Variants in SHANK2 observed in about 807,000 individuals in gnomAD.
SHANK2 encodes the protein SH3 and multiple ankyrin repeat domains 2, also known as SH3 and multiple ankyrin repeat domains protein 2.
In SHANK2, 43 loss-of-function variants were observed where a neutral mutation model predicts 133.7. The observed-to-expected ratio is 0.32, with a 90% CI of 0.25 to 0.41. The LOEUF is 0.41. Ranked by LOEUF, SHANK2 falls within the 10% of genes least tolerant of loss-of-function variation. The pLI is 1.00. For missense variants in SHANK2, 1,994 were observed against 2,235.8 expected, an observed-to-expected ratio of 0.89 and a Z score of 2.18; for synonymous variants, 1,017 against 952.8, an observed-to-expected ratio of 1.07 and a Z score of -1.24.
At chr11:70,922,098 T>C (rs1950359612) in intron 10 of SHANK2, among the ~76,000 whole-genome samples, 1 of 152,152 alleles carries the variant, frequency 6.6e-6, no homozygotes, top group Non-Finnish European at 1.5e-5. Flanking sequence ...CAGAAGGGAA[T>C]CAATCGTAAA....
rs1398149670 is a variant in SHANK2, at chr11:70,729,509, C to T, written c.1778-30746G>A. Reference sequence around the variant, plus strand: ...ACCTGTGAATGTACTCATGCCACTGCACTGTGTACTTTCTTCATTTTTTTT... The same window carrying T: ...ACCTGTGAATGTACTCATGCCACTGTACTGTGTACTTTCTTCATTTTTTTT... On this transcript the variant is annotated intron_variant, in intron 14 of 25. Transcript: ENST00000601538. Among the ~76,000 whole-genome samples the T allele has an allele frequency of 2.0e-5, 3 of 151,478 alleles. No individual in the cohort carries two copies. In the East Asian group the frequency reaches 5.8e-4, roughly 29 times the overall value.
At chr11:71,066,549 C>T (rs1951066315) in intron 9 of SHANK2, among the ~76,000 whole-genome samples, 1 of 152,122 alleles carries the variant, frequency 6.6e-6, no homozygotes, top group Non-Finnish European at 1.5e-5. Context: ...GACAACGTTG[C>T]AACCAGGATG....
At chr11:71,137,998 G>A (rs374600921) in intron 3 of SHANK2, among the ~76,000 whole-genome samples, 4 of 150,660 alleles carry the variant, frequency 2.7e-5, no homozygotes, top group East Asian at 1.9e-4. Flanking sequence ...CAAAGCACCC[G>A]AATGCAGCTT....
At chr11:71,244,715 G>C (rs1486158253) in intron 1 of SHANK2, among the ~76,000 whole-genome samples, 1 of 151,756 alleles carries the variant, frequency 6.6e-6, no homozygotes. Flanking sequence ...TTTTTTTGTT[G>C]TTGTTGAGAT....
chr11:70,502,557 G>A (rs1337740279), intron 18 of SHANK2, among the ~76,000 whole-genome samples: 4 of 152,148 alleles, frequency 2.6e-5, no homozygotes, highest in African/African-American at 7.2e-5. Flanking sequence ...CGGAAGGGAC[G>A]CCTGCTAGTG....
intron 17 of SHANK2, among the ~76,000 whole-genome samples, chr11:70,642,990 G>A (rs185652688): frequency 4.2e-4 from 64 of 152,314 alleles, no homozygotes; most frequent in African/African-American, 1.3e-3. Context: ...TGACGACATC[G>A]CAGTTATCCT....
At chr11:71,139,255 G>A (rs1952506132) in intron 3 of SHANK2, among the ~76,000 whole-genome samples, 1 of 151,132 alleles carries the variant, frequency 6.6e-6, no homozygotes, top group African/African-American at 2.4e-5. Flanking sequence ...ATGCGGGGCC[G>A]ACGTAGACAC....
chr11:71,205,522 C>T (rs2135657982), intron 2 of SHANK2, among the ~76,000 whole-genome samples: 1 of 152,318 alleles, frequency 6.6e-6, no homozygotes, highest in Middle Eastern at 3.4e-3. Flanking sequence ...GACCCACGTG[C>T]CAGGACGGAG....
At chr11:70,518,130 T>C (rs10736803) in intron 17 of SHANK2, among the ~76,000 whole-genome samples, 147,172 of 152,254 alleles carry the variant, frequency 0.97, 71,342 homozygotes, top group East Asian at 1. Flanking sequence ...GCTGTCCCTT[T>C]AGCCAGCGTC....
intron 8 of SHANK2, among the ~76,000 whole-genome samples, chr11:71,080,547 C>T (rs1356966643): frequency 2.0e-5 from 3 of 152,166 alleles, no homozygotes; most frequent in East Asian, 1.9e-4. Flanking sequence ...CAGCACAGGT[C>T]GGCTGAGACG....
chr11:70,677,557 G>T (rs1009117397), intron 15 of SHANK2, among the ~76,000 whole-genome samples: 5 of 152,188 alleles, frequency 3.3e-5, no homozygotes, highest in Admixed American at 2.6e-4. Flanking sequence ...ATGAGGTAAA[G>T]GTAAGGCTGG....
At chr11:70,924,643 G>A (rs1950401400) in intron 10 of SHANK2, among the ~76,000 whole-genome samples, 1 of 152,002 alleles carries the variant, frequency 6.6e-6, no homozygotes, top group African/African-American at 2.4e-5. Flanking sequence ...TTTTAGTAGA[G>A]ACAGCGTTTC....
rs114100999 is a variant in SHANK2, at chr11:70,598,152, T to C, written c.2061+61676A>G. 6.4e-3 allele frequency among the ~76,000 whole-genome samples: 967 copies of C among 152,090 alleles called. 10 individuals are homozygous for C. The highest frequency in any genetic ancestry group is 0.021 in the African/African-American group (859 of 41,474). On this transcript the variant is annotated intron_variant, in intron 17 of 25. Transcript: ENST00000601538. ...GGAACGTGCCGTAGACAGGGTCCCA[T>C]AGAGGGGCAGATGGAGCCCGTTTGC...
chr11:70,889,975 T>C (rs1162145928), intron 11 of SHANK2, among the ~76,000 whole-genome samples: 3 of 152,176 alleles, frequency 2.0e-5, no homozygotes, highest in African/African-American at 7.2e-5. Flanking sequence ...CCTGTTTTCC[T>C]GAGCGGGTGT....
At chr11:70,672,575 T>A (rs782003669) in intron 15 of SHANK2, among the ~76,000 whole-genome samples, 10 of 152,290 alleles carry the variant, frequency 6.6e-5, no homozygotes, top group Non-Finnish European at 1.0e-4. Flanking sequence ...CGAGCCAGGC[T>A]GCTGTCCCTG....
intron 10 of SHANK2, chr11:70,942,728 C>T: frequency 2.2e-6 from 1 of 456,426 alleles, no homozygotes; most frequent in Non-Finnish European, 4.4e-6. Flanking sequence ...CACCAAGCAT[C>T]AGTTGCACTC....
intron 17 of SHANK2, among the ~76,000 whole-genome samples, chr11:70,518,735 G>A (rs1265504029): frequency 6.6e-6 from 1 of 152,168 alleles, no homozygotes; most frequent in Admixed American, 6.5e-5. Flanking sequence ...TTTCTGCGAC[G>A]AGACAGCACC....
chr11:70,897,418 G>A (rs1182513391), intron 10 of SHANK2, among the ~76,000 whole-genome samples: 1 of 152,216 alleles, frequency 6.6e-6, no homozygotes, highest in Non-Finnish European at 1.5e-5. Flanking sequence ...CAAACAGCTG[G>A]GGGCCTTATG....
At chr11:70,954,398 C>T (rs1363902560) in intron 10 of SHANK2, among the ~76,000 whole-genome samples, 1 of 152,230 alleles carries the variant, frequency 6.6e-6, no homozygotes, top group East Asian at 1.9e-4. Flanking sequence ...GCAGAGTGCA[C>T]AGCCACTGGC....
Sources: allele counts gnomAD v4.1 joint callset (sites outside exome capture counted in the v4.1 genomes callset), GRCh38; gene constraint gnomAD v4.1.1; transcripts MANE v1.5; gene names NCBI Gene and HGNC (gene_info 2026-07-23, HGNC 2026-07-21).